The following RAB19 variants were observed in gnomAD, a reference collection of about 807,000 sequenced individuals.
RAB19 encodes the protein RAB19, member RAS oncogene family.
RAB19 carries 21 observed loss-of-function variants against 17.3 expected under a neutral mutation model. That is an observed-to-expected ratio of 1.21 (90% CI 0.86 to 1.74). The LOEUF (loss-of-function observed/expected upper bound fraction) is 1.74, where lower values mean the gene tolerates loss of function less well. Ranked by LOEUF, RAB19 falls within the 40% of genes most tolerant of loss-of-function variation. The pLI is 0.00. For missense variants in RAB19, 277 were observed against 286.8 expected, an observed-to-expected ratio of 0.97 and a Z score of 0.25; for synonymous variants, 126 against 110.4, an observed-to-expected ratio of 1.14 and a Z score of -0.88.
At position 140,426,839 on chromosome 7, in the gene RAB19, CTTTTTTTTTTT is replaced by C. The variant is rs398067341; in HGVS notation, c.*699_*709del. 8.1e-6 allele frequency among the ~76,000 whole-genome samples: 1 copy of C among 124,028 alleles called. No individual in the cohort carries two copies. The highest frequency in any genetic ancestry group is 1.7e-5 in the Non-Finnish European group (1 of 60,266). 81.4% of individuals were successfully genotyped at this position (124,028 alleles called of 152,430 possible). A position where few individuals can be genotyped will look rare whatever the true frequency, so the allele number is the denominator to read the frequency against. ...AAGACACCTGCAATTTTTTTTCTTT[CTTTTTTTTTTT>C]TTTTTTTTTGAGACAGGGTCATACT... On this transcript the variant is annotated 3_prime_UTR_variant, in exon 4 of 4. Transcript: ENST00000537763.
chr7:140,425,146 C>T (rs771974082), intron 3 of RAB19, among the ~76,000 whole-genome samples: 3 of 151,818 alleles, frequency 2.0e-5, no homozygotes, highest in Non-Finnish European at 4.4e-5. Context: ...ATTAGCCAGG[C>T]GTGGTGGCAT....
In RAB19 at chr7:140,426,180, A is replaced by G. The variant is rs370265932; in HGVS notation, c.*30A>G. On this transcript the variant is annotated 3_prime_UTR_variant, in exon 4 of 4. Coordinates refer to ENST00000537763, the MANE Select transcript of RAB19 (RefSeq NM_001008749.3). ...TTTGCAAAGCCAGTTGCACCCACCA[A>G]AGAGGCCGCCTCTGAAACCAAAGGT... is the stretch of plus-strand genomic sequence containing the variant. 6.9e-6 allele frequency: 11 copies of G among 1,596,852 alleles called. No individual in the cohort carries two copies. In the African/African-American group the frequency reaches 1.2e-4, roughly 18 times the overall value.
rs12703836 is a variant in RAB19 at position 140,408,022 on chromosome 7, C to T, written c.201+175C>T. The stretch of plus-strand genomic sequence containing the variant: ...CCTCCCAAGTAACAGGAACTACAGG[C>T]GCCCGCCACCACGCCCGGCAAATTT... On this transcript the variant is annotated intron_variant, in intron 2 of 3. Transcript: ENST00000537763. 0.61 allele frequency among the ~76,000 whole-genome samples: 91,740 copies of T among 149,410 alleles called. 28,476 individuals are homozygous for T. The highest frequency in any genetic ancestry group is 0.8 in the East Asian group (4,056 of 5,080).
chr7:140,423,246 C>T (rs888919791), intron 3 of RAB19, among the ~76,000 whole-genome samples: 1 of 152,126 alleles, frequency 6.6e-6, no homozygotes, highest in African/African-American at 2.4e-5. Flanking sequence ...TCAAGGCCAG[C>T]CTGGCCAACA....
intron 3 of RAB19, among the ~76,000 whole-genome samples, chr7:140,421,507 G>A (rs184059279): frequency 1.3e-5 from 2 of 152,206 alleles, no homozygotes; most frequent in Admixed American, 1.3e-4. Flanking sequence ...TTACAGGCAC[G>A]TGCCACTACG....
chr7:140,424,617 C>CTATA (rs1278451067), intron 3 of RAB19, among the ~76,000 whole-genome samples: 39 of 73,086 alleles, frequency 5.3e-4, no homozygotes, highest in South Asian at 1.9e-3. Flanking sequence ...CTCTCTCTCT[C>CTATA]TCTATATATA....
intron 3 of RAB19, among the ~76,000 whole-genome samples, chr7:140,412,728 T>A (rs561720236): frequency 1.3e-5 from 2 of 151,310 alleles, no homozygotes; most frequent in African/African-American, 4.8e-5. Context: ...GTTTTTTAAT[T>A]TTTTATGGGT....
At chr7:140,405,891 A>G (rs942363027) in intron 1 of RAB19, among the ~76,000 whole-genome samples, 2 of 152,162 alleles carry the variant, frequency 1.3e-5, no homozygotes, top group Non-Finnish European at 2.9e-5. Context: ...TATTTTTTCA[A>G]TGATATTCCC....
intron 3 of RAB19, among the ~76,000 whole-genome samples, chr7:140,412,885 G>GGA (rs1799392922): frequency 6.6e-6 from 1 of 151,762 alleles, no homozygotes; most frequent in Non-Finnish European, 1.5e-5. Context: ...CAGCACTTTG[G>GGA]AGGGCGAGGC....
intron 3 of RAB19, among the ~76,000 whole-genome samples, chr7:140,415,872 T>C (rs560897001): frequency 6.6e-6 from 1 of 151,256 alleles, no homozygotes; most frequent in East Asian, 2.0e-4. Flanking sequence ...ACCAGTGCAC[T>C]CCAACCTGGG....
intron 3 of RAB19, among the ~76,000 whole-genome samples, chr7:140,415,321 C>T (rs1447690327): frequency 6.6e-6 from 1 of 152,096 alleles, no homozygotes. Flanking sequence ...GTGATCCACA[C>T]ACCTCGCCTC....
chr7:140,406,572 G>T (rs1365866875), intron 1 of RAB19, among the ~76,000 whole-genome samples: 1 of 151,346 alleles, frequency 6.6e-6, no homozygotes, highest in African/African-American at 2.4e-5. Context: ...CTGGAAGGCA[G>T]AGGTTGCAGT....
chr7:140,420,091 G>C lies in RAB19; in HGVS notation c.386-5791G>C, dbSNP rs1000732939. ...GGGACAGGATGAGATAGACATGCAA[G>C]AGATTTACTGGGAGAAACAGCTGTG... On this transcript the variant is annotated intron_variant, in intron 3 of 3. Coordinates refer to ENST00000537763, the MANE Select transcript of RAB19 (RefSeq NM_001008749.3). Among the ~76,000 whole-genome samples the C allele has an allele frequency of 7.9e-5, 12 of 152,262 alleles. No homozygotes were observed. In the South Asian group the frequency reaches 2.5e-3, roughly 32 times the overall value.
At chr7:140,411,538 T>TA (rs11449354) in intron 2 of RAB19, among the ~76,000 whole-genome samples, 16,923 of 144,864 alleles carry the variant, frequency 0.12, 1,957 homozygotes, top group African/African-American at 0.31. Flanking sequence ...CCTGATGAGC[T>TA]AAAAAAAAAA....
chr7:140,416,174 C>A (rs1799454631), intron 3 of RAB19, among the ~76,000 whole-genome samples: 1 of 151,876 alleles, frequency 6.6e-6, no homozygotes, highest in South Asian at 2.1e-4. Context: ...GAAACCCCGT[C>A]TCTACTAGCT....
At chr7:140,417,987 T>C (rs1799490328) in intron 3 of RAB19, among the ~76,000 whole-genome samples, 2 of 152,158 alleles carry the variant, frequency 1.3e-5, no homozygotes, top group Non-Finnish European at 2.9e-5. Flanking sequence ...GACAGCTGCC[T>C]GAGGCCAGAG....
chr7:140,405,653 C>T (rs559186827), intron 1 of RAB19, among the ~76,000 whole-genome samples: 60 of 152,162 alleles, frequency 3.9e-4, no homozygotes, highest in African/African-American at 1.4e-3. Context: ...GCTAGGATTA[C>T]AGGCATGAGC....
intron 2 of RAB19, among the ~76,000 whole-genome samples, chr7:140,410,313 C>CTTTTTTTTTTTTTTTTTTTT (rs762151021): frequency 1.1e-4 from 9 of 81,034 alleles, no homozygotes; most frequent in Non-Finnish European, 1.5e-4. Flanking sequence ...TTGTATTTTT[C>CTTTTTTTTTTTTTTTTTTTT]TTTTTTTTTT....
At chr7:140,405,154 C>A (rs563112245) in intron 1 of RAB19, among the ~76,000 whole-genome samples, 1 of 151,542 alleles carries the variant, frequency 6.6e-6, no homozygotes, top group African/African-American at 2.4e-5. Flanking sequence ...GGGGAAGAGA[C>A]AGAGCAAGAG....
Sources: gnomAD v4.1 joint callset for allele counts (sites outside exome capture counted in the v4.1 genomes callset) on GRCh38, gnomAD v4.1.1 for gene constraint, MANE v1.5 for transcripts, NCBI Gene and HGNC (gene_info 2026-07-23, HGNC 2026-07-21) for gene names.